LSG1: variants seen among roughly 807,000 people sequenced by gnomAD.
LSG1 encodes large 60S subunit nuclear export GTPase 1.
In LSG1, 55 loss-of-function variants were observed where a neutral mutation model predicts 82.6. That is an observed-to-expected ratio of 0.67 (90% CI 0.54 to 0.83). The LOEUF (loss-of-function observed/expected upper bound fraction) is 0.83, where lower values mean the gene tolerates loss of function less well. LSG1 is among the 40% of genes least tolerant of loss of function. LSG1 has a pLI of 0.00. For synonymous variants in LSG1, 272 were observed against 282.5 expected (o/e 0.96, Z 0.37); for missense variants, 809 against 807.9 (o/e 1.00, Z -0.02).
intron 5 of LSG1, among the ~76,000 whole-genome samples, chr3:194,662,074 AC>A (rs1718944162): frequency 6.6e-6 from 1 of 152,222 alleles, no homozygotes; most frequent in African/African-American, 2.4e-5. Context: ...CAAGAAGCAA[AC>A]CTGTTCATGC....
intron 5 of LSG1, 102 bp from the exon 6 acceptor site, chr3:194,660,235 CACTGG>C: frequency 1.2e-6 from 1 of 861,396 alleles, no homozygotes; most frequent in South Asian, 1.4e-5. Context: ...ATATATTAAG[CACTGG>C]ACATATATTA....
rs879541558 is a variant in LSG1 at position 194,645,587 on chromosome 3, C to CACACAGACAG, written c.1623+576_1623+577insCTGTCTGTGT. On this transcript the variant is annotated intron_variant, in intron 12 of 13. Coordinates refer to ENST00000265245, the MANE Select transcript of LSG1 (RefSeq NM_018385.3). ...ACACACACAGACAGACACACACACA[C>CACACAGACAG]ACACACACACACACACACACACACA... Among the ~76,000 whole-genome samples the CACACAGACAG allele has an allele frequency of 1.1e-3, 97 of 92,352 alleles. 5 individuals carry two copies. Among genetic ancestry groups the CACACAGACAG allele is most frequent in the South Asian group, 2.1e-3 (7 of 3,282 alleles). 60.6% of individuals were successfully genotyped at this position (92,352 alleles called of 152,430 possible).
At chr3:194,658,703 C>T (rs1336015841) in intron 7 of LSG1, among the ~76,000 whole-genome samples, 2 of 152,130 alleles carry the variant, frequency 1.3e-5, no homozygotes, top group Non-Finnish European at 2.9e-5. Context: ...TTCCTGTCTA[C>T]AACCTTTTAA....
intron 1 of LSG1, 175 bp downstream of exon 1, chr3:194,671,889 G>GAAGGATGAGTTGGAGT: frequency 1.5e-6 from 1 of 671,902 alleles, no homozygotes; most frequent in South Asian, 1.6e-5. Flanking sequence ...CTACCTTTGT[G>GAAGGATGAGTTGGAGT]TTCTGGGCCT....
chr3:194,643,848 T>C (rs2108613973), intron 13 of LSG1, among the ~76,000 whole-genome samples: 1 of 152,254 alleles, frequency 6.6e-6, no homozygotes, highest in East Asian at 1.9e-4. Flanking sequence ...ATCTATACAA[T>C]GAAACATTAT....
intron 11 of LSG1, among the ~76,000 whole-genome samples, chr3:194,647,556 G>C (rs568548698): frequency 3.5e-4 from 53 of 152,320 alleles, no homozygotes; most frequent in African/African-American, 1.2e-3. Context: ...CTTAGAAATT[G>C]TACGTGTGGT....
chr3:194,643,234 G>T (rs555715779), intron 13 of LSG1, among the ~76,000 whole-genome samples: 9 of 152,336 alleles, frequency 5.9e-5, no homozygotes, highest in African/African-American at 2.2e-4. Flanking sequence ...ATATTTTAAA[G>T]TGCAGAAGAC....
At chr3:194,655,750 A>G (rs965608540) in intron 7 of LSG1, among the ~76,000 whole-genome samples, 3 of 152,216 alleles carry the variant, frequency 2.0e-5, no homozygotes, top group Non-Finnish European at 2.9e-5. Context: ...ACTTCAAACT[A>G]TACTACAAGG....
chr3:194,645,511 C>CACACACACACACACACACACACAGACAG lies in LSG1; in HGVS notation c.1623+652_1623+653insCTGTCTGTGTGTGTGTGTGTGTGTGTGT, dbSNP rs1560219503. ...GCTTAGTGCTACACACACACACACA[C>CACACACACACACACACACACACAGACAG]ACACACACACACACACACAGACAGA... is the stretch of plus-strand genomic sequence containing the variant. On this transcript the variant is annotated intron_variant, in intron 12 of 13. Transcript: ENST00000265245. The CACACACACACACACACACACACAGACAG allele has an allele frequency of 6.2e-4, 27 of 43,228 alleles. 4 individuals are homozygous for CACACACACACACACACACACACAGACAG. Among genetic ancestry groups the CACACACACACACACACACACACAGACAG allele is most frequent in the South Asian group, 2.7e-3 (3 of 1,120 alleles). The allele number at this position is 43,228 out of a possible 1,614,324, so 2.7% of individuals were successfully genotyped here. A position where few individuals can be genotyped will look rare whatever the true frequency, so the allele number is the denominator to read the frequency against.
At position 194,652,766 on chromosome 3, in the gene LSG1, C is replaced by A. The variant is rs530049367; in HGVS notation, c.1136G>T (p.Gly379Val). Residue 379 changes from glycine to valine, a missense_variant, in exon 8 of 14, where the codon GGG becomes GTG. Transcript: ENST00000265245. ...AAGTTGCCCATCTTTCACCTTTCTC[C>A]CAGTGTGTAGCTCCTTAAAGAGCTC... The part of the protein sequence containing the change: ...LLELFKELHT[G>V]RKVKDGQLTV... The A allele has an allele frequency of 6.2e-7, 1 of 1,613,982 alleles. No homozygotes were observed. The highest frequency in any genetic ancestry group is 1.7e-5 in the Admixed American group (1 of 59,988).
chr3:194,651,470 G>T, intron 8 of LSG1: 1 of 462,262 alleles, frequency 2.2e-6, no homozygotes, highest in South Asian at 2.5e-5. Context: ...AACAGCAGAT[G>T]CTACAGAAAA....
chr3:194,651,976 G>A (rs912584599), intron 8 of LSG1, among the ~76,000 whole-genome samples: 5 of 152,130 alleles, frequency 3.3e-5, no homozygotes, highest in African/African-American at 9.7e-5. Flanking sequence ...GGCATTTTGG[G>A]GCAGGGGGTT....
chr3:194,642,089 G>A lies in LSG1; in HGVS notation c.1956C>T (p.Leu652=). The change falls in exon 14 of 14, where the codon CTC becomes CTT. Residue 652 remains leucine, a synonymous_variant. Coordinates refer to ENST00000265245, the MANE Select transcript of LSG1 (RefSeq NM_018385.3). ...NRNKKEKSRR[L]YKHLDM Reference sequence around the variant, plus strand: ...AACCTCACATATCCAGGTGCTTGTAGAGTCTACGACTTTTTTCTTTTTTAT... The same window carrying A: ...AACCTCACATATCCAGGTGCTTGTAAAGTCTACGACTTTTTTCTTTTTTAT... The A allele has an allele frequency of 6.2e-7, 1 of 1,612,752 alleles. No homozygotes were observed. The highest frequency in any genetic ancestry group is 8.5e-7 in the Non-Finnish European group (1 of 1,180,024).
At chr3:194,664,940 TAAATAAATAAA>T (rs1220242733) in intron 5 of LSG1, among the ~76,000 whole-genome samples, 2 of 57,638 alleles carry the variant, frequency 3.5e-5, no homozygotes, top group Non-Finnish European at 8.8e-5. Context: ...AATAAATAAA[TAAATAAATAAA>T]AAACATAAAA....
intron 5 of LSG1, among the ~76,000 whole-genome samples, chr3:194,662,153 C>T (rs533124186): frequency 3.8e-4 from 58 of 152,344 alleles, no homozygotes; most frequent in African/African-American, 1.3e-3. Flanking sequence ...GAACGAGGCC[C>T]GCGCCCGTAA....
chr3:194,669,941 A>AC, intron 2 of LSG1, 68 bp downstream of exon 2: 2 of 1,557,104 alleles, frequency 1.3e-6, no homozygotes, highest in Non-Finnish European at 1.7e-6. Flanking sequence ...AAAACAAAAA[A>AC]CAAAAAAAAC....
chr3:194,660,795 T>C, intron 5 of LSG1: 1 of 450,842 alleles, frequency 2.2e-6, no homozygotes, highest in Non-Finnish European at 4.5e-6. Context: ...CCATCACGTA[T>C]AAGAAAGTAC....
chr3:194,666,414 G>A lies in LSG1; in HGVS notation c.347+38C>T, dbSNP rs371803808. The A allele has an allele frequency of 1.3e-4, 211 of 1,608,564 alleles. 1 individual carries two copies. The South Asian group carries it at 1.9e-3, about 15-fold the overall frequency. On this transcript the variant is annotated intron_variant, in intron 3 of 13. Coordinates refer to ENST00000265245, the MANE Select transcript of LSG1 (RefSeq NM_018385.3). ...TAAAAAATGAATACTCAGCAGCCTC[G>A]GATGTTTTGTGGCATTCTAAATTCT...
intron 8 of LSG1, among the ~76,000 whole-genome samples, chr3:194,652,361 A>G (rs1718692461): frequency 6.6e-6 from 1 of 152,250 alleles, no homozygotes; most frequent in South Asian, 2.1e-4. Flanking sequence ...GAACATTTAC[A>G]GCATAAGCTG....
Sources: gnomAD v4.1 joint callset for allele counts (sites outside exome capture counted in the v4.1 genomes callset) on GRCh38, gnomAD v4.1.1 for gene constraint, MANE v1.5 for transcripts, NCBI Gene and HGNC (gene_info 2026-07-23, HGNC 2026-07-21) for gene names.